The following INTS4 variants were observed in gnomAD, a reference collection of about 807,000 sequenced individuals.
The protein encoded by INTS4 is MSTP093.
A neutral mutation model predicts 119.5 loss-of-function variants in INTS4; 70 were observed. That is an observed-to-expected ratio of 0.59 (90% CI 0.48 to 0.71). The LOEUF (loss-of-function observed/expected upper bound fraction) is 0.71. Among genes scored for constraint, INTS4 ranks in the 30% least tolerant of loss-of-function variants. The pLI, the probability that INTS4 is intolerant of heterozygous loss-of-function variation, is 0.00. For synonymous variants in INTS4, 316 were observed against 419.6 expected (o/e 0.75, Z 3.02); for missense variants, 867 against 1,173.2 (o/e 0.74, Z 3.81).
At chr11:77,894,481 A>G in intron 18 of INTS4, 132 bp from the exon 19 acceptor site, 1 of 542,422 alleles carries the variant, frequency 1.8e-6, no homozygotes. Context: ...TCTAAAAGTA[A>G]CAGAAGACTC....
chr11:77,894,455 T>C (rs1793336), intron 18 of INTS4, 106 bp from the exon 19 acceptor site: 426,291 of 601,174 alleles, frequency 0.71, 152,996 homozygotes, highest in African/African-American at 0.88. Flanking sequence ...TAGCATATTA[T>C]ACTATAAAAA....
At chr11:77,891,526 C>G in intron 20 of INTS4, 64 bp from the exon 21 acceptor site, 1 of 1,594,864 alleles carries the variant, frequency 6.3e-7, no homozygotes, top group Non-Finnish European at 8.6e-7. Flanking sequence ...GAAAACGCAT[C>G]TTTTTTCTGT....
chr11:77,900,385 C>T (rs577730540), intron 18 of INTS4, among the ~76,000 whole-genome samples: 1 of 152,158 alleles, frequency 6.6e-6, no homozygotes, highest in African/African-American at 2.4e-5. Flanking sequence ...AGGTGTGAGC[C>T]ACCACACCCG....
intron 18 of INTS4, among the ~76,000 whole-genome samples, chr11:77,898,226 C>A (rs1173515249): frequency 6.6e-6 from 1 of 152,056 alleles, no homozygotes; most frequent in African/African-American, 2.4e-5. Flanking sequence ...TGCAGTGGTG[C>A]GATCTCGGCT....
At chr11:77,966,107 A>G (rs1021020333) in intron 4 of INTS4, among the ~76,000 whole-genome samples, 1 of 152,204 alleles carries the variant, frequency 6.6e-6, no homozygotes, top group African/African-American at 2.4e-5. Flanking sequence ...GTCATCTGTA[A>G]GAAGTGTCTG....
chr11:77,938,175 A>G (rs1265400854), intron 10 of INTS4, among the ~76,000 whole-genome samples: 2 of 152,100 alleles, frequency 1.3e-5, no homozygotes, highest in Non-Finnish European at 2.9e-5. Context: ...ATGAAGGTGA[A>G]ATAAAATATT....
chr11:77,903,553 G>A lies in INTS4; in HGVS notation c.2084C>T (p.Ala695Val). 1 of 1,613,870 alleles carries A rather than the reference G, an allele frequency of 6.2e-7. No homozygotes were observed. The highest frequency in any genetic ancestry group is 8.5e-7 in the Non-Finnish European group (1 of 1,179,816). ...LYLKQSDLAS[A>V]AAKQIMEETY... is the part of the protein sequence containing the mutation. ...GAATAAGCTTACCTGTTTCGCTGCT[G>A]CTGAGGCCAAATCACTCTGCTTCAA... The change falls in exon 17 of 23, where the codon GCA (alanine) becomes GTA (valine). Residue 695 changes from alanine to valine, a missense_variant. Ala to Val is a moderately conservative substitution (Grantham distance 64). This residue lies in a region of INTS4 where 262 missense variants were observed against 376.0 expected (regional missense o/e 0.70). Transcript: ENST00000534064.
At chr11:77,991,407 C>A in intron 1 of INTS4, 108 bp from the exon 2 acceptor site, 1 of 879,120 alleles carries the variant, frequency 1.1e-6, no homozygotes, top group East Asian at 2.5e-5. Context: ...AGCTGATGGA[C>A]TTAGGAAAAT....
intron 4 of INTS4, among the ~76,000 whole-genome samples, chr11:77,977,441 A>G (rs1229138870): frequency 6.6e-6 from 1 of 151,954 alleles, no homozygotes; most frequent in Non-Finnish European, 1.5e-5. Flanking sequence ...TTATGTTTAT[A>G]AAACACATAC....
intron 1 of INTS4, among the ~76,000 whole-genome samples, chr11:77,993,475 T>A (rs1856777743): frequency 6.6e-6 from 1 of 152,118 alleles, no homozygotes. Context: ...TCTGGTCATG[T>A]GAGGATGGGT....
rs915651884 is a variant in INTS4, at chr11:77,918,733, C to T, written c.1922+88G>A. 16 of 1,534,548 alleles carry T rather than the reference C, an allele frequency of 1.0e-5. No homozygotes were observed. In the African/African-American group the frequency reaches 1.8e-4, roughly 17 times the overall value. ...ATGTAGACCAATAAAGTCAGAATAT[C>T]AAGCCTAGTAACCAACACCAGAATT... On this transcript the variant is annotated intron_variant, in intron 15 of 22. Transcript: ENST00000534064.
intron 18 of INTS4, chr11:77,900,524 A>T (rs1208524258): frequency 6.4e-6 from 4 of 629,888 alleles, no homozygotes; most frequent in Non-Finnish European, 1.1e-5. Flanking sequence ...TCTGTGTTTA[A>T]GCATTCATAT....
At chr11:77,901,300 C>T in intron 18 of INTS4, 121 bp downstream of exon 18, 1 of 1,016,928 alleles carries the variant, frequency 9.8e-7, no homozygotes, top group Non-Finnish European at 1.5e-6. Context: ...ATCACACATT[C>T]CTTAGCTAGT....
At chr11:77,989,046 T>C (rs1168110967) in intron 2 of INTS4, among the ~76,000 whole-genome samples, 1 of 152,164 alleles carries the variant, frequency 6.6e-6, no homozygotes, top group Non-Finnish European at 1.5e-5. Context: ...ACTTTATTCA[T>C]TAGGGTTAGG....
At chr11:77,941,281 A>G (rs1565260596) in intron 8 of INTS4, 30 bp from the exon 9 acceptor site, 1 of 1,587,448 alleles carries the variant, frequency 6.3e-7, no homozygotes, top group Middle Eastern at 1.7e-4. Flanking sequence ...GAGCATATAA[A>G]ACAACTTTTA....
rs1245325374 is a variant in INTS4 at position 77,994,651 on chromosome 11, C to A, written c.-8G>T. Reference sequence around the variant, plus strand: ...CTTAAGGTGCGCCGCCATGCCTACCCGCGGGCCCTCTCAGCTTCCGTACAC... The same window carrying A: ...CTTAAGGTGCGCCGCCATGCCTACCAGCGGGCCCTCTCAGCTTCCGTACAC... On this transcript the variant is annotated 5_prime_UTR_variant, in exon 1 of 23. Transcript: ENST00000534064. The A allele has an allele frequency of 1.9e-6, 3 of 1,614,088 alleles. No homozygotes were observed. Among genetic ancestry groups the A allele is most frequent in the Non-Finnish European group, 8.5e-7 (1 of 1,180,018 alleles).
rs1312785181 is a variant in INTS4 at position 77,910,509 on chromosome 11, G to A, written c.1923-2699C>T. On this transcript the variant is annotated intron_variant, in intron 15 of 22. Transcript: ENST00000534064. ...CTAATGCTAAATGGTGAGTTAATGG[G>A]TGCAGCACACCAACATGGCACATGT... 2.0e-5 allele frequency among the ~76,000 whole-genome samples: 3 copies of A among 151,166 alleles called. No individual in the cohort carries two copies. In the East Asian group the frequency reaches 5.8e-4, roughly 29 times the overall value.
chr11:77,901,319 A>G, intron 18 of INTS4, 102 bp downstream of exon 18: 1 of 1,257,982 alleles, frequency 7.9e-7, no homozygotes, highest in South Asian at 1.2e-5. Flanking sequence ...GTCTTTCCTA[A>G]ATTTCATTTC....
intron 8 of INTS4, among the ~76,000 whole-genome samples, chr11:77,954,877 A>G (rs536118856): frequency 6.6e-6 from 1 of 152,228 alleles, no homozygotes; most frequent in African/African-American, 2.4e-5. Flanking sequence ...GAACTAGGAC[A>G]TAACAAGTGC....
Sources: gnomAD v4.1 joint callset for allele counts (sites outside exome capture counted in the v4.1 genomes callset) on GRCh38, gnomAD v4.1.1 for gene constraint, gnomAD v4.1.1 regional missense constraint, MANE v1.5 for transcripts, NCBI Gene and HGNC (gene_info 2026-07-23, HGNC 2026-07-21) for gene names.